The following ARID4A variants were observed in gnomAD, a reference collection of about 807,000 sequenced individuals.
ARID4A encodes the protein AT-rich interaction domain 4A, also known as AT-rich interactive domain-containing protein 4A.
A neutral mutation model predicts 148.6 loss-of-function variants in ARID4A; 39 were observed. That is an observed-to-expected ratio of 0.26 (90% CI 0.20 to 0.34). The LOEUF (loss-of-function observed/expected upper bound fraction) is 0.34. Among genes scored for constraint, ARID4A ranks in the 10% least tolerant of loss-of-function variants. The pLI is 1.00. For synonymous variants in ARID4A, 475 were observed against 481.2 expected, an observed-to-expected ratio of 0.99 and a Z score of 0.17; for missense variants, 1,265 against 1,449.1, an observed-to-expected ratio of 0.87 and a Z score of 2.06.
At chr14:58,329,870 T>G in intron 10 of ARID4A, 133 bp from the exon 11 acceptor site, 1 of 1,396,612 alleles carries the variant, frequency 7.2e-7, no homozygotes, top group Non-Finnish European at 9.7e-7. Flanking sequence ...TGAAATATGT[T>G]AAAGCTTACT....
At chr14:58,363,967 T>C (rs1287196906) in intron 19 of ARID4A, among the ~76,000 whole-genome samples, 1 of 152,182 alleles carries the variant, frequency 6.6e-6, no homozygotes, top group Admixed American at 6.5e-5. Context: ...ACGTAATATA[T>C]TTTTGCTTGG....
rs535108027 is a variant in ARID4A, at chr14:58,347,548, A to G, written c.1173-99A>G. ...GAAAAGAGTAACAAAAATTTTTTTA[A>G]ATTACTGGGCTTTACTTTTTAAAAA... On this transcript the variant is annotated intron_variant, in intron 14 of 23. Transcript: ENST00000355431. 32 of 972,932 alleles carry G rather than the reference A, an allele frequency of 3.3e-5. No homozygotes were observed. The East Asian group carries it at 8.0e-4, about 24-fold the overall frequency. The allele number at this position is 972,932 out of a possible 1,614,324, so 60.3% of individuals were successfully genotyped here.
intron 8 of ARID4A, among the ~76,000 whole-genome samples, chr14:58,326,009 T>C (rs761154385): frequency 1.4e-4 from 22 of 152,154 alleles, no homozygotes; most frequent in Non-Finnish European, 2.2e-4. Context: ...TATAAAATAG[T>C]ATATGTTCAA....
intron 7 of ARID4A, among the ~76,000 whole-genome samples, chr14:58,319,866 A>G (rs928645199): frequency 2.7e-5 from 4 of 150,902 alleles, no homozygotes; most frequent in Admixed American, 2.6e-4. Context: ...TATACTCTTT[A>G]TCTAGATTTA....
In ARID4A at chr14:58,365,521, A is replaced by G; in HGVS notation, c.3215A>G (p.Gln1072Arg). 7.1e-7 allele frequency: 1 copy of G among 1,417,274 alleles called. No homozygotes were observed. The highest frequency in any genetic ancestry group is 9.7e-7 in the Non-Finnish European group (1 of 1,030,140). 87.8% of individuals were successfully genotyped at this position (1,417,274 alleles called of 1,614,324 possible). A position where few individuals can be genotyped will look rare whatever the true frequency, so the allele number is the denominator to read the frequency against. Residue 1072 changes from glutamine to arginine, a missense_variant, in exon 21 of 24, where the codon CAG becomes CGG. Physicochemically the swap from Gln to Arg is conservative, Grantham distance 43. Coordinates refer to ENST00000355431, the MANE Select transcript of ARID4A (RefSeq NM_002892.4). The stretch of plus-strand genomic sequence containing the variant: ...TCTCTCTTTCCCCTTATTTCAGGTC[A>G]GAAGAGGCCAAGTGATGGAAATAGT... ...VQERESREKGQKRPSDGNSGL... is the reference protein window; with the variant it reads ...VQERESREKGRKRPSDGNSGL...
Position 58,373,165 on chromosome 14 carries a change from TGTCACA to T in ARID4A, c.*1179_*1184del, listed in dbSNP as rs765128121. On this transcript the variant is annotated 3_prime_UTR_variant, in exon 24 of 24. Coordinates refer to ENST00000355431, the MANE Select transcript of ARID4A (RefSeq NM_002892.4). ...ATTTTTGGTTGCCCTTAAGATACTTTGTCACAGTTTTTATGTTTGCTATACTGCCGA... is the reference window on the plus strand; with the variant it reads ...ATTTTTGGTTGCCCTTAAGATACTTTGTTTTTATGTTTGCTATACTGCCGA... 2.0e-5 allele frequency: 4 copies of T among 200,620 alleles called. No homozygotes were observed. The highest frequency in any genetic ancestry group is 3.1e-5 in the Non-Finnish European group (3 of 97,156). 12.4% of individuals were successfully genotyped at this position (200,620 alleles called of 1,614,324 possible). A position where few individuals can be genotyped will look rare whatever the true frequency, so the allele number is the denominator to read the frequency against.
rs1374816755 is a variant in ARID4A, at chr14:58,317,603, T to TA, written c.275-932dup. Among the ~76,000 whole-genome samples the TA allele has an allele frequency of 4.8e-5, 7 of 145,540 alleles. No individual in the cohort carries two copies. The South Asian group carries it at 1.1e-3, about 23-fold the overall frequency. On this transcript the variant is annotated intron_variant, in intron 5 of 23. Coordinates refer to ENST00000355431, the MANE Select transcript of ARID4A (RefSeq NM_002892.4). ...CCGCGCCTGGCCTAAAGTTTCTTTT[T>TA]AAAAAAACCTTTATATTTGTCTTTT...
intron 23 of ARID4A, among the ~76,000 whole-genome samples, chr14:58,369,091 TC>T (rs1289866283): frequency 6.6e-6 from 1 of 150,598 alleles, no homozygotes; most frequent in African/African-American, 2.4e-5. Flanking sequence ...CACTAGAGGG[TC>T]AAAAAGACAA....
intron 17 of ARID4A, among the ~76,000 whole-genome samples, chr14:58,355,385 C>T (rs913225922): frequency 3.3e-5 from 5 of 152,072 alleles, no homozygotes; most frequent in Non-Finnish European, 7.4e-5. Flanking sequence ...TCTTATATAT[C>T]CTATGATTTT....
Position 58,346,437 on chromosome 14 carries a change from T to G in ARID4A, c.1006T>G (p.Leu336Val), listed in dbSNP as rs200701889. 1 of 1,608,338 alleles carries G rather than the reference T, an allele frequency of 6.2e-7. No homozygotes were observed. The highest frequency in any genetic ancestry group is 8.5e-7 in the Non-Finnish European group (1 of 1,176,772). ...RGTPINKPPVLGYKDLNLFKL... is the reference protein window; with the variant it reads ...RGTPINKPPVVGYKDLNLFKL... ...TACTCCAATCAACAAACCACCTGTT[T>G]TGGGCTATAAAGATCTCAATCTCTT... The change falls in exon 13 of 24, where the codon TTG (leucine) becomes GTG (valine). Residue 336 changes from leucine to valine, a missense_variant. By Grantham distance (32) the Leu-to-Val change is conservative. This residue lies in a region of ARID4A where 249 missense variants were observed against 277.2 expected (regional missense o/e 0.90). Coordinates refer to ENST00000355431, the MANE Select transcript of ARID4A (RefSeq NM_002892.4).
At chr14:58,349,700 C>T (rs776047207) in intron 15 of ARID4A, among the ~76,000 whole-genome samples, 1 of 151,620 alleles carries the variant, frequency 6.6e-6, no homozygotes, top group Non-Finnish European at 1.5e-5. Flanking sequence ...GTCGATAGAG[C>T]GAGACTCCAT....
intron 23 of ARID4A, among the ~76,000 whole-genome samples, chr14:58,371,495 A>T (rs187532843): frequency 1.2e-4 from 19 of 152,278 alleles, no homozygotes; most frequent in Non-Finnish European, 4.4e-5. Context: ...AAATCCTCTG[A>T]GTTAAATTAA....
At chr14:58,323,991 G>A (rs886542108) in intron 8 of ARID4A, among the ~76,000 whole-genome samples, 1 of 137,226 alleles carries the variant, frequency 7.3e-6, no homozygotes, top group Admixed American at 8.5e-5. Flanking sequence ...TGCAAGCTCT[G>A]CCTTCCGGGT....
In ARID4A at chr14:58,366,246, A is replaced by C. The variant is rs748132765; in HGVS notation, c.3523+16A>C. On this transcript the variant is annotated intron_variant, in intron 22 of 23. Coordinates refer to ENST00000355431, the MANE Select transcript of ARID4A (RefSeq NM_002892.4). ...TTTCAGCTCAGTAAGAAGCTTATAG[A>C]AAACTTGATAGATGAATACTGTAAA... is the stretch of plus-strand genomic sequence containing the variant. 1.5e-5 allele frequency: 23 copies of C among 1,575,704 alleles called. No individual in the cohort carries two copies. The highest frequency in any genetic ancestry group is 4.4e-6 in the Non-Finnish European group (5 of 1,146,658).
At position 58,323,609 on chromosome 14, in the gene ARID4A, C is replaced by T; in HGVS notation, c.574C>T (p.Pro192Ser). 1 of 1,612,680 alleles carries T rather than the reference C, an allele frequency of 6.2e-7. No individual in the cohort carries two copies. The highest frequency in any genetic ancestry group is 8.5e-7 in the Non-Finnish European group (1 of 1,179,170). Reference protein sequence around the residue: ...VSATERTEWYPALVISPSCND... With the variant: ...VSATERTEWYSALVISPSCND... ...TGCAACGGAGAGGACTGAATGGTAT[C>T]CTGCTTTGGTAAGTAAAGTTTCTTT... is the stretch of plus-strand genomic sequence containing the variant. The change falls in exon 8 of 24, where the codon CCT (proline) becomes TCT (serine). Residue 192 changes from proline to serine, a missense_variant. Around this residue, in one of 9 missense-constraint regions of ARID4A, gnomAD observed 249 missense variants for 277.2 expected, o/e 0.90. Coordinates refer to ENST00000355431, the MANE Select transcript of ARID4A (RefSeq NM_002892.4).
chr14:58,369,283 G>T (rs1427720806), intron 23 of ARID4A, among the ~76,000 whole-genome samples: 1 of 151,948 alleles, frequency 6.6e-6, no homozygotes, highest in Admixed American at 6.6e-5. Context: ...ATAAATAATG[G>T]GGGTGAAAAT....
chr14:58,325,835 CAGATTGTA>C (rs1262151697), intron 8 of ARID4A, among the ~76,000 whole-genome samples: 1 of 151,030 alleles, frequency 6.6e-6, no homozygotes, highest in Non-Finnish European at 1.5e-5. Flanking sequence ...TCAGAATATT[CAGATTGTA>C]GGTTTGCCAA....
At chr14:58,337,234 C>T (rs1335208288) in intron 11 of ARID4A, among the ~76,000 whole-genome samples, 1 of 58,326 alleles carries the variant, frequency 1.7e-5, no homozygotes, top group African/African-American at 6.5e-5. Context: ...TCTCCTAGAA[C>T]CTTCTCTTTA....
intron 11 of ARID4A, among the ~76,000 whole-genome samples, chr14:58,335,642 A>G (rs1365556687): frequency 6.6e-6 from 1 of 152,120 alleles, no homozygotes; most frequent in South Asian, 2.1e-4. Flanking sequence ...GTACGTACTC[A>G]GACTCAGTAT....
Sources: allele counts gnomAD v4.1 joint callset (sites outside exome capture counted in the v4.1 genomes callset), GRCh38; gene constraint gnomAD v4.1.1; regional missense constraint gnomAD v4.1.1; transcripts MANE v1.5; gene names NCBI Gene and HGNC (gene_info 2026-07-23, HGNC 2026-07-21).